Variants in HOXC6 observed in about 807,000 individuals in gnomAD.
HOXC6 encodes homeobox protein Hox-C6.
HOXC6 carries 10 observed loss-of-function variants against 24.0 expected under a neutral mutation model. The ratio of observed to expected loss-of-function variants is 0.42; its 90% confidence interval spans 0.26 to 0.71. The LOEUF (loss-of-function observed/expected upper bound fraction) is 0.71. Ranked by LOEUF, HOXC6 falls within the 30% of genes least tolerant of loss-of-function variation. The pLI is 0.28. For synonymous variants in HOXC6, 123 were observed against 128.1 expected (o/e 0.96, Z 0.27); for missense variants, 258 against 303.4 (o/e 0.85, Z 1.11).
intron 1 of HOXC6, among the ~76,000 whole-genome samples, chr12:54,018,739 C>A (rs1940283642): frequency 6.6e-6 from 1 of 152,174 alleles, no homozygotes; most frequent in Non-Finnish European, 1.5e-5. Context: ...GCCTACACAC[C>A]CAGGCAGACA....
rs910672367 is a variant in HOXC6 at position 54,029,070 on chromosome 12, C to T, written c.400+149C>T. The T allele has an allele frequency of 3.8e-6, 3 of 788,680 alleles. No individual in the cohort carries two copies. In the Admixed American group the frequency reaches 8.7e-5, roughly 23 times the overall value. 48.9% of individuals were successfully genotyped at this position (788,680 alleles called of 1,614,324 possible). ...CACCGAGACAGGGCCCCCTCTTCTG[C>T]CCCCTCAGCTCGCCTCTCGCTCGCT... On this transcript the variant is annotated intron_variant, in intron 1 of 1. Transcript: ENST00000243108.
chr12:54,028,637 C>T lies in HOXC6; in HGVS notation c.116C>T (p.Thr39Ile), dbSNP rs752965962. The change falls in exon 1 of 2, where the codon ACC becomes ATC. Residue 39 changes from threonine (T) to isoleucine (I), a missense_variant. By Grantham distance (89) the Thr-to-Ile change is moderately conservative. Transcript: ENST00000243108. ...TAYDPVRHFS[T>I]YGAAVAQNRI... ...TATGATCCAGTGAGGCATTTCTCGA[C>T]CTATGGAGCGGCCGTTGCCCAGAAC... 4.3e-6 allele frequency: 7 copies of T among 1,614,168 alleles called. No individual in the cohort carries two copies. Among genetic ancestry groups the T allele is most frequent in the Non-Finnish European group, 5.9e-6 (7 of 1,180,038 alleles).
At position 54,028,455 on chromosome 12, in the gene HOXC6, C is replaced by T; in HGVS notation, c.-67C>T. 2.6e-6 allele frequency: 4 copies of T among 1,526,816 alleles called. No homozygotes were observed. The highest frequency in any genetic ancestry group is 3.6e-6 in the Non-Finnish European group (4 of 1,123,176). 94.6% of individuals were successfully genotyped at this position (1,526,816 alleles called of 1,614,324 possible). A position where few individuals can be genotyped will look rare whatever the true frequency, so the allele number is the denominator to read the frequency against. On this transcript the variant is annotated 5_prime_UTR_variant, in exon 1 of 2. Transcript: ENST00000243108. ...AGCCGTCCCTATAACCATCTAGTTC[C>T]GAGTACAAACTGGAGACAGAAATAA... is the stretch of plus-strand genomic sequence containing the variant.
In HOXC6 at chr12:54,029,560, G is replaced by A. The variant is rs1940900453; in HGVS notation, c.401-95G>A. The A allele has an allele frequency of 3.6e-5, 48 of 1,322,116 alleles. No homozygotes were observed. The Middle Eastern group carries it at 8.0e-4, about 22-fold the overall frequency. 81.9% of individuals were successfully genotyped at this position (1,322,116 alleles called of 1,614,324 possible). On this transcript the variant is annotated intron_variant, in intron 1 of 1. Transcript: ENST00000243108. ...GCCCTAAGGAGGCTGTGAGCTGCTG[G>A]CCAGGTTGGGAGGGTCAGGACTTTG...
At chr12:54,029,599 T>C (rs1415655160) in intron 1 of HOXC6, 56 bp from the exon 2 acceptor site, 4 of 1,558,092 alleles carry the variant, frequency 2.6e-6, no homozygotes, top group Non-Finnish European at 3.5e-6. Context: ...GGCGAAACAG[T>C]CTGCAGAGGA....
rs1940837575 is a variant in HOXC6, at chr12:54,028,594, G to T, written c.73G>T (p.Ala25Ser). ...AGGQDVLPNV[A>S]LNSTAYDPVR... ...GGGCCAGGACGTCCTCCCCAACGTC[G>T]CCCTCAATTCCACCGCCTATGATCC... Residue 25 changes from alanine to serine, a missense_variant, in exon 1 of 2, where the codon GCC (alanine) becomes TCC (serine). Ala to Ser is a moderately conservative substitution (Grantham distance 99). Transcript: ENST00000243108. The T allele has an allele frequency of 6.2e-7, 1 of 1,613,946 alleles. No homozygotes were observed. Among genetic ancestry groups the T allele is most frequent in the East Asian group, 2.2e-5 (1 of 44,868 alleles).
upstream of HOXC6, among the ~76,000 whole-genome samples, chr12:54,024,267 C>T (rs1940583956): frequency 1.3e-5 from 2 of 152,286 alleles, no homozygotes; most frequent in Admixed American, 6.5e-5. Context: ...CGGGCAGCTG[C>T]GGTCGCGTCC....
chr12:54,028,589 A>G lies in HOXC6; in HGVS notation c.68A>G (p.Asn23Ser), dbSNP rs1332076160. 13 of 1,613,778 alleles carry G rather than the reference A, an allele frequency of 8.1e-6. No individual in the cohort carries two copies. Among genetic ancestry groups the G allele is most frequent in the African/African-American group, 1.3e-5 (1 of 74,836 alleles). ...HLAGGQDVLP[N>S]VALNSTAYDP... is the part of the protein sequence containing the mutation. ...GCCGGGGGCCAGGACGTCCTCCCCA[A>G]CGTCGCCCTCAATTCCACCGCCTAT... Residue 23 changes from asparagine (N) to serine (S), a missense_variant, in exon 1 of 2, where the codon AAC becomes AGC. Transcript: ENST00000243108.
upstream of HOXC6, among the ~76,000 whole-genome samples, chr12:54,027,944 A>G (rs371431449): frequency 2.4e-4 from 36 of 152,150 alleles, no homozygotes; most frequent in Middle Eastern, 3.4e-3. Context: ...TAGTTTAGTG[A>G]TGGGACTCAC....
At chr12:54,025,681 C>T (rs1423511727), upstream of HOXC6, among the ~76,000 whole-genome samples, 2 of 152,176 alleles carry the variant, frequency 1.3e-5, no homozygotes, top group Non-Finnish European at 2.9e-5. Flanking sequence ...ATCGGCGAGA[C>T]CTTTCAGTCT....
chr12:54,018,035 G>T (rs1940238634), intron 1 of HOXC6, among the ~76,000 whole-genome samples: 1 of 152,228 alleles, frequency 6.6e-6, no homozygotes, highest in African/African-American at 2.4e-5. Flanking sequence ...GCAATTAGGG[G>T]GGAGGCTGGT....
In HOXC6 at chr12:54,029,918, G is replaced by C. The variant is rs932521351; in HGVS notation, c.664G>C (p.Glu222Gln). Residue 222 changes from glutamate (E) to glutamine (Q), a missense_variant, in exon 2 of 2, where the codon GAG (glutamate) becomes CAG (glutamine). By Grantham distance (29) the Glu-to-Gln change is conservative. Coordinates refer to ENST00000243108, the MANE Select transcript of HOXC6 (RefSeq NM_004503.4). Reference protein sequence around the residue: ...GATADSLGGKEEKREETEEEK... With the variant: ...GATADSLGGKQEKREETEEEK... ...CACCGCCGACAGCCTGGGCGGAAAA[G>C]AGGAAAAGCGGGAAGAGACAGAAGA... 1.9e-6 allele frequency: 3 copies of C among 1,605,240 alleles called. No individual in the cohort carries two copies. The Admixed American group carries it at 5.1e-5, about 28-fold the overall frequency.
intron 1 of HOXC6, 123 bp downstream of exon 1, chr12:54,029,044 T>C (rs2136437167): frequency 2.2e-6 from 2 of 928,090 alleles, no homozygotes; most frequent in Non-Finnish European, 3.1e-6. Flanking sequence ...GCTCGTCTCC[T>C]CACCGAGACA....
rs773836609 is a variant in HOXC6, at chr12:54,028,476, A to C, written c.-46A>C. On this transcript the variant is annotated 5_prime_UTR_variant, in exon 1 of 2. Transcript: ENST00000243108. ...GTTCCGAGTACAAACTGGAGACAGA[A>C]ATAAATATTAAAGAAATCATAGACC... 2 of 1,577,340 alleles carry C rather than the reference A, an allele frequency of 1.3e-6. No individual in the cohort carries two copies. Among genetic ancestry groups the C allele is most frequent in the South Asian group, 1.2e-5 (1 of 85,102 alleles).
chr12:54,029,327 G>A (rs1940878529), intron 1 of HOXC6, among the ~76,000 whole-genome samples: 1 of 152,118 alleles, frequency 6.6e-6, no homozygotes, highest in South Asian at 2.1e-4. Flanking sequence ...TGAGAAAGGG[G>A]GCCCTCATCC....
In HOXC6 at chr12:54,030,749, A is replaced by G. The variant is rs1024028895; in HGVS notation, c.*787A>G. Reference sequence around the variant, plus strand: ...ATAAATAAATAAATCCCTTCGTGTTACCCTCCTGTATAAATCCAACCTCTG... The same window carrying G: ...ATAAATAAATAAATCCCTTCGTGTTGCCCTCCTGTATAAATCCAACCTCTG... On this transcript the variant is annotated 3_prime_UTR_variant, in exon 2 of 2. Coordinates refer to ENST00000243108, the MANE Select transcript of HOXC6 (RefSeq NM_004503.4). 6.6e-6 allele frequency: 1 copy of G among 152,576 alleles called. No homozygotes were observed. 9.5% of individuals were successfully genotyped at this position (152,576 alleles called of 1,614,324 possible). A position where few individuals can be genotyped will look rare whatever the true frequency, so the allele number is the denominator to read the frequency against.
In HOXC6 at chr12:54,028,926, G is replaced by C. The variant is rs1231123807; in HGVS notation, c.400+5G>C. ...AGCGAATGAATTCGCACAGTGGTGA[G>C]TTTTACAGCTCCGAGATATAAATTA... is the stretch of plus-strand genomic sequence containing the variant. On this transcript the variant is annotated splice_donor_5th_base_variant and intron_variant, in intron 1 of 1. Transcript: ENST00000243108. 6 of 1,601,650 alleles carry C rather than the reference G, an allele frequency of 3.7e-6. No homozygotes were observed. Among genetic ancestry groups the C allele is most frequent in the Non-Finnish European group, 5.1e-6 (6 of 1,176,936 alleles).
intron 1 of HOXC6, chr12:54,020,262 T>C (rs1940374362): frequency 6.6e-6 from 1 of 152,270 alleles, no homozygotes. Context: ...AGACACTGAA[T>C]CTGTGGGTCA....
At chr12:54,024,198 G>T (rs1017914667), upstream of HOXC6, among the ~76,000 whole-genome samples, 1 of 152,126 alleles carries the variant, frequency 6.6e-6, no homozygotes, top group Non-Finnish European at 1.5e-5. Context: ...AGGGGCCAGC[G>T]GGGCAACCGT....
Sources: gnomAD v4.1 joint callset for allele counts (sites outside exome capture counted in the v4.1 genomes callset) on GRCh38, gnomAD v4.1.1 for gene constraint, MANE v1.5 for transcripts, NCBI Gene and HGNC (gene_info 2026-07-23, HGNC 2026-07-21) for gene names.